Variants in TMEM163 observed in about 807,000 individuals in gnomAD.
TMEM163 encodes the protein transmembrane protein 163.
Under a neutral mutation model 29.3 loss-of-function variants are expected in TMEM163, and 17 were observed. The observed-to-expected ratio is 0.58, with a 90% CI of 0.40 to 0.87. TMEM163 has a LOEUF of 0.87. Among genes scored for constraint, TMEM163 ranks in the 40% least tolerant of loss-of-function variants. TMEM163 has a pLI of 0.00. For synonymous variants in TMEM163, 157 were observed against 160.6 expected (o/e 0.98, Z 0.17); for missense variants, 303 against 381.5 (o/e 0.79, Z 1.71).
intron 2 of TMEM163, among the ~76,000 whole-genome samples, chr2:134,565,145 C>T (rs934865807): frequency 5.9e-5 from 9 of 151,504 alleles, no homozygotes; most frequent in African/African-American, 1.2e-4. Context: ...GGCTGAGGCA[C>T]ACGAATCGAT....
intron 2 of TMEM163, among the ~76,000 whole-genome samples, chr2:134,677,075 C>T (rs532685351): frequency 2.6e-4 from 40 of 152,278 alleles, no homozygotes; most frequent in African/African-American, 9.1e-4. Flanking sequence ...AAAATGTCCA[C>T]ACTCCCTGAG....
At chr2:134,613,572 A>T (rs1453885181) in intron 2 of TMEM163, among the ~76,000 whole-genome samples, 1 of 152,214 alleles carries the variant, frequency 6.6e-6, no homozygotes, top group African/African-American at 2.4e-5. Flanking sequence ...TTATCATTAT[A>T]ATGGAAATAC....
intron 2 of TMEM163, among the ~76,000 whole-genome samples, chr2:134,605,238 G>A (rs539316846): frequency 2.4e-4 from 37 of 151,864 alleles, no homozygotes; most frequent in Non-Finnish European, 4.3e-4. Flanking sequence ...CCTTGCAGGG[G>A]CCTTCTGATT....
chr2:134,606,437 G>C (rs1423747616), intron 2 of TMEM163, among the ~76,000 whole-genome samples: 1 of 152,116 alleles, frequency 6.6e-6, no homozygotes, highest in African/African-American at 2.4e-5. Context: ...CACAATCAAA[G>C]TCAAGGGCAT....
At chr2:134,647,252 C>G (rs551788715) in intron 2 of TMEM163, among the ~76,000 whole-genome samples, 138 of 152,206 alleles carry the variant, frequency 9.1e-4, no homozygotes, top group African/African-American at 3.2e-3. Flanking sequence ...ATTTAGTAAA[C>G]ATTAAAAAGA....
chr2:134,528,350 C>T (rs1352884923), intron 4 of TMEM163, among the ~76,000 whole-genome samples: 1 of 152,182 alleles, frequency 6.6e-6, no homozygotes, highest in Admixed American at 6.5e-5. Context: ...GTTCAGCTCA[C>T]CTAGGTTCAC....
chr2:134,532,670 T>A (rs796370161), intron 4 of TMEM163, among the ~76,000 whole-genome samples: 10 of 152,326 alleles, frequency 6.6e-5, no homozygotes, highest in African/African-American at 2.4e-4. Flanking sequence ...TGTCCCTGGC[T>A]TTAGTTACTC....
At chr2:134,537,758 T>C (rs886332770) in intron 4 of TMEM163, among the ~76,000 whole-genome samples, 2 of 152,198 alleles carry the variant, frequency 1.3e-5, no homozygotes, top group Admixed American at 6.5e-5. Flanking sequence ...CTTCAATCCA[T>C]GAGCCCACAA....
At chr2:134,606,578 C>T (rs982725241) in intron 2 of TMEM163, among the ~76,000 whole-genome samples, 29 of 152,142 alleles carry the variant, frequency 1.9e-4, no homozygotes, top group African/African-American at 6.8e-4. Flanking sequence ...CTGGAAGAGT[C>T]GGGCTGGGGA....
intron 2 of TMEM163, among the ~76,000 whole-genome samples, chr2:134,703,895 G>A (rs1684753866): frequency 6.7e-6 from 1 of 149,856 alleles, no homozygotes; most frequent in South Asian, 2.1e-4. Flanking sequence ...TTATTCTCCA[G>A]CTGCTCTTTT....
chr2:134,496,871 C>G (rs16830708), intron 5 of TMEM163, among the ~76,000 whole-genome samples: 22 of 152,210 alleles, frequency 1.4e-4, no homozygotes, highest in African/African-American at 4.8e-4. Flanking sequence ...GAGACTTCCA[C>G]GTAAACAGGA....
chr2:134,561,898 G>C (rs57493404), intron 2 of TMEM163, among the ~76,000 whole-genome samples: 2,855 of 152,326 alleles, frequency 0.019, 72 homozygotes, highest in African/African-American at 0.063. Flanking sequence ...TGGGGATACA[G>C]CAGTTGCTTG....
intron 1 of TMEM163, among the ~76,000 whole-genome samples, 173 bp downstream of exon 1, chr2:134,718,561 G>T (rs1164365138): frequency 6.6e-6 from 1 of 152,162 alleles, no homozygotes; most frequent in African/African-American, 2.4e-5. Flanking sequence ...GGTGCCGGCC[G>T]CAGAAGGTGG....
At chr2:134,640,654 C>A (rs1683204145) in intron 2 of TMEM163, among the ~76,000 whole-genome samples, 1 of 152,164 alleles carries the variant, frequency 6.6e-6, no homozygotes, top group South Asian at 2.1e-4. Context: ...AAAAGACACG[C>A]CCCAGGGGGA....
intron 2 of TMEM163, among the ~76,000 whole-genome samples, chr2:134,639,294 G>A (rs1421946426): frequency 2.0e-5 from 3 of 152,178 alleles, no homozygotes; most frequent in African/African-American, 7.2e-5. Context: ...AAGTGAAGAA[G>A]GCAGAATATT....
chr2:134,484,109 C>G (rs1292362346), intron 5 of TMEM163, among the ~76,000 whole-genome samples: 1 of 152,124 alleles, frequency 6.6e-6, no homozygotes, highest in Non-Finnish European at 1.5e-5. Context: ...CCACTGCACT[C>G]CAGCCTGGCT....
chr2:134,572,029 A>T (rs1681442351), intron 2 of TMEM163, among the ~76,000 whole-genome samples: 1 of 152,226 alleles, frequency 6.6e-6, no homozygotes, highest in Non-Finnish European at 1.5e-5. Flanking sequence ...AACAGTACCC[A>T]AGGGCCAACC....
At chr2:134,716,779 T>G (rs1266551064) in intron 1 of TMEM163, among the ~76,000 whole-genome samples, 3 of 152,074 alleles carry the variant, frequency 2.0e-5, no homozygotes, top group Admixed American at 2.0e-4. Context: ...ACAGTAAACC[T>G]CCCCAGGTAA....
intron 7 of TMEM163, 105 bp downstream of exon 7, chr2:134,457,927 C>A: frequency 6.4e-7 from 1 of 1,556,842 alleles, no homozygotes; most frequent in Non-Finnish European, 8.7e-7. Context: ...GGCACAGGTA[C>A]AAAATATGAC....
Sources: allele counts gnomAD v4.1 joint callset (sites outside exome capture counted in the v4.1 genomes callset), GRCh38; gene constraint gnomAD v4.1.1; transcripts MANE v1.5; gene names NCBI Gene and HGNC (gene_info 2026-07-23, HGNC 2026-07-21).